The following MUS81 variants were observed in gnomAD, a reference collection of about 807,000 sequenced individuals.
The protein encoded by MUS81 is MUS81 structure-specific endonuclease subunit, also known as structure-specific endonuclease subunit MUS81.
A neutral mutation model predicts 74.2 loss-of-function variants in MUS81; 69 were observed. The observed-to-expected ratio is 0.93, with a 90% CI of 0.77 to 1.14. MUS81 has a LOEUF of 1.14. Among genes scored for constraint, MUS81 ranks in the 50% most tolerant of loss-of-function variants. MUS81 has a pLI of 0.00. For missense variants in MUS81, 711 were observed against 726.5 expected (o/e 0.98, Z 0.25); for synonymous variants, 303 against 300.6 (o/e 1.01, Z -0.08).
At chr11:65,867,421 A>G (rs1190942490), downstream of MUS81, 6 of 443,694 alleles carry the variant, frequency 1.4e-5, no homozygotes, top group Non-Finnish European at 8.3e-6. Flanking sequence ...TTCAATTTCA[A>G]AAAGAAAGAG....
chr11:65,866,499 T>A (rs182188777), downstream of MUS81: 148 of 702,738 alleles, frequency 2.1e-4, 1 homozygote, highest in African/African-American at 2.4e-3. Flanking sequence ...CTAGGGCTTA[T>A]CCAAATGTAC....
At position 65,863,737 on chromosome 11, in the gene MUS81, C is replaced by T. The variant is rs572362045; in HGVS notation, c.961+16C>T. 8.7e-6 allele frequency: 14 copies of T among 1,614,014 alleles called. No individual in the cohort carries two copies. The highest frequency in any genetic ancestry group is 1.2e-5 in the Non-Finnish European group (14 of 1,180,014). On this transcript the variant is annotated intron_variant, in intron 9 of 15. Transcript: ENST00000308110. ...AGAGACCCAGGTGAAGGGCCGTGGA[C>T]AGGCTGGCACCAGGGGCAGGGCCTG...
intron 14 of MUS81, 145 bp from the exon 15 acceptor site, chr11:65,865,666 G>A: frequency 1.2e-6 from 1 of 843,120 alleles, no homozygotes; most frequent in Non-Finnish European, 1.9e-6. Flanking sequence ...AGCCCGGCTG[G>A]CATGGGGCCT....
At chr11:65,863,383 C>T (rs1327228778) in intron 7 of MUS81, 27 bp from the exon 8 acceptor site, 1 of 1,613,296 alleles carries the variant, frequency 6.2e-7, no homozygotes, top group South Asian at 1.1e-5. Flanking sequence ...GGGGTTCTGG[C>T]CTCACATACC....
chr11:65,863,787 G>C lies in MUS81; in HGVS notation c.962-17G>C. On this transcript the variant is annotated splice_polypyrimidine_tract_variant and intron_variant, in intron 9 of 15. Coordinates refer to ENST00000308110, the MANE Select transcript of MUS81 (RefSeq NM_025128.5). Reference sequence around the variant, plus strand: ...GGTGGGTAGGGGATCGCAAGCTAACGGCTGGCTTGTCAGCAGCAAACCCTG... The same window carrying C: ...GGTGGGTAGGGGATCGCAAGCTAACCGCTGGCTTGTCAGCAGCAAACCCTG... 1.2e-6 allele frequency: 2 copies of C among 1,614,166 alleles called. No individual in the cohort carries two copies. Among genetic ancestry groups the C allele is most frequent in the Non-Finnish European group, 1.7e-6 (2 of 1,180,012 alleles).
At position 65,863,500 on chromosome 11, in the gene MUS81, G is replaced by C; in HGVS notation, c.837G>C (p.Arg279=). ...VLLCVDIGET[R]GGGHRPELLR... is the part of the protein sequence containing the mutation. ...TGTGTGTGGACATTGGCGAGACCCG[G>C]GGGTGAGTGAGGTGGGGAGAAACGA... The change falls in exon 8 of 16, where the codon CGG becomes CGC. Residue 279 remains arginine (R), a splice_region_variant and synonymous_variant. Transcript: ENST00000308110. 2 of 1,614,166 alleles carry C rather than the reference G, an allele frequency of 1.2e-6. No individual in the cohort carries two copies. Among genetic ancestry groups the C allele is most frequent in the Non-Finnish European group, 1.7e-6 (2 of 1,180,026 alleles).
Position 65,864,703 on chromosome 11 carries a change from T to C in MUS81, c.1177-17T>C. The C allele has an allele frequency of 6.2e-7, 1 of 1,614,014 alleles. No homozygotes were observed. Among genetic ancestry groups the C allele is most frequent in the Non-Finnish European group, 8.5e-7 (1 of 1,179,922 alleles). ...AGGCCAGGAGCCACCTTCCCTCTCT[T>C]GGGTCCTCTTCCCCAGGTCATTGAT... On this transcript the variant is annotated splice_polypyrimidine_tract_variant and intron_variant, in intron 11 of 15. Coordinates refer to ENST00000308110, the MANE Select transcript of MUS81 (RefSeq NM_025128.5).
Position 65,860,637 on chromosome 11 carries a change from C to T in MUS81, c.-117C>T. ...GGCCCCGTGATCTCAACGGTCCTGC[C>T]CTCGGTCTCCCTCTTCCCCCGCCCC... On this transcript the variant is annotated 5_prime_UTR_variant, in exon 1 of 16. Transcript: ENST00000308110. 7.0e-7 allele frequency: 1 copy of T among 1,425,066 alleles called. No homozygotes were observed. The highest frequency in any genetic ancestry group is 9.5e-7 in the Non-Finnish European group (1 of 1,050,774). 88.3% of individuals were successfully genotyped at this position (1,425,066 alleles called of 1,614,324 possible).
In MUS81 at chr11:65,861,769, A is replaced by C; in HGVS notation, c.352-178A>C. On this transcript the variant is annotated intron_variant, in intron 3 of 15. Transcript: ENST00000308110. ...GCAGACACCCCCACCCACTGCCCCG[A>C]AACTGCCTGCTGTTTTATCCCAGAT... 3 of 637,788 alleles carry C rather than the reference A, an allele frequency of 4.7e-6. No homozygotes were observed. In the South Asian group the frequency reaches 5.9e-5, roughly 13 times the overall value. The allele number at this position is 637,788 out of a possible 1,614,324, so 39.5% of individuals were successfully genotyped here.
At chr11:65,866,810 C>T (rs1251420874), downstream of MUS81, 3 of 1,438,928 alleles carry the variant, frequency 2.1e-6, no homozygotes, top group Non-Finnish European at 2.9e-6. Flanking sequence ...ACCCGCCCAC[C>T]TCAGCCACCA....
chr11:65,862,938 G>A, intron 6 of MUS81, 127 bp from the exon 7 acceptor site: 1 of 1,187,772 alleles, frequency 8.4e-7, no homozygotes, highest in Non-Finnish European at 1.2e-6. Flanking sequence ...GGAGGAGCAG[G>A]AGCCACTGGG....
At chr11:65,860,406 C>T (rs1413395739), upstream of MUS81, 40 of 499,874 alleles carry the variant, frequency 8.0e-5, no homozygotes, top group Non-Finnish European at 2.0e-5. Context: ...CTCGCCTACA[C>T]AAAGACCCCG....
upstream of MUS81, chr11:65,860,374 A>G: frequency 2.1e-6 from 1 of 475,872 alleles, no homozygotes; most frequent in Non-Finnish European, 4.2e-6. Context: ...TCCCCGTCAC[A>G]GGGGGCGCTG....
chr11:65,866,660 A>C (rs759435892), downstream of MUS81: 1 of 703,886 alleles, frequency 1.4e-6, no homozygotes, highest in Non-Finnish European at 2.6e-6. Flanking sequence ...TCTCGGGGTG[A>C]CTGAAGCTCG....
rs755234585 is a variant in MUS81 at position 65,863,080 on chromosome 11, A to C, written c.621A>C (p.Pro207=). Residue 207 remains proline, a synonymous_variant, in exon 7 of 16, where the codon CCA becomes CCC. Transcript: ENST00000308110. ...THQPARYSLT[P]EGLELAQKLA... ...TGCCTCCCAGGTACTCATTGACCCC[A>C]GAGGGCCTGGAGCTGGCCCAGAAGT... is the stretch of plus-strand genomic sequence containing the variant. The C allele has an allele frequency of 1.2e-6, 2 of 1,614,120 alleles. No homozygotes were observed. The highest frequency in any genetic ancestry group is 1.7e-6 in the Non-Finnish European group (2 of 1,180,014).
intron 2 of MUS81, 78 bp downstream of exon 2, chr11:65,861,180 CTT>C: frequency 6.3e-7 from 1 of 1,599,154 alleles, no homozygotes; most frequent in Non-Finnish European, 8.5e-7. Flanking sequence ...GAGCCCTTGG[CTT>C]TTAAGCTCCC....
rs752545928 is a variant in MUS81, at chr11:65,864,820, G to A, written c.1272+5G>A. On this transcript the variant is annotated splice_donor_5th_base_variant and intron_variant, in intron 12 of 15. Transcript: ENST00000308110. ...GGCCTGCAGAGACTCTACCAGGTGA[G>A]CAGAGGCCCCTTTCCCAGTGTCGGG... 1 of 1,611,290 alleles carries A rather than the reference G, an allele frequency of 6.2e-7. No homozygotes were observed. Among genetic ancestry groups the A allele is most frequent in the South Asian group, 1.1e-5 (1 of 91,026 alleles).
intron 14 of MUS81, 47 bp downstream of exon 14, chr11:65,865,370 G>T: frequency 6.4e-7 from 1 of 1,562,234 alleles, no homozygotes; most frequent in Non-Finnish European, 8.7e-7. Flanking sequence ...TGCCCTCCAT[G>T]CATGGAATTC....
chr11:65,863,231 G>T (rs1340072080), intron 7 of MUS81, 26 bp downstream of exon 7: 2 of 1,600,484 alleles, frequency 1.2e-6, no homozygotes, highest in Non-Finnish European at 1.7e-6. Flanking sequence ...GAGGAGTGGG[G>T]AAAACAGGGA....
Sources: allele counts gnomAD v4.1 joint callset, GRCh38; gene constraint gnomAD v4.1.1; transcripts MANE v1.5; gene names NCBI Gene and HGNC (gene_info 2026-07-23, HGNC 2026-07-21).